CALY: variants seen among roughly 807,000 people sequenced by gnomAD.
CALY encodes calcyon neuron specific vesicular protein.
A neutral mutation model predicts 20.2 loss-of-function variants in CALY; 15 were observed. The ratio of observed to expected loss-of-function variants is 0.74; its 90% CI spans 0.50 to 1.14. The LOEUF (loss-of-function observed/expected upper bound fraction) is 1.14. Among genes scored for constraint, CALY ranks in the 50% most tolerant of loss-of-function variants. The pLI, the probability that CALY is intolerant of heterozygous loss-of-function variation, is 0.00. For missense variants in CALY, 270 were observed against 304.4 expected (o/e 0.89, Z 0.84); for synonymous variants, 129 against 131.8 (o/e 0.98, Z 0.15).
chr10:133,336,213 G>A (rs754059903), intron 1 of CALY, among the ~76,000 whole-genome samples: 1 of 152,128 alleles, frequency 6.6e-6, no homozygotes, highest in Non-Finnish European at 1.5e-5. Context: ...GCAGCCCCTC[G>A]GAGGGGAGTG....
chr10:133,325,903 C>T lies in CALY; in HGVS notation c.578G>A (p.Gly193Glu). 3.1e-6 allele frequency: 4 copies of T among 1,292,272 alleles called. No homozygotes were observed. Among genetic ancestry groups the T allele is most frequent in the Non-Finnish European group, 3.9e-6 (4 of 1,019,312 alleles). The allele number at this position is 1,292,272 out of a possible 1,614,324, so 80.1% of individuals were successfully genotyped here. A position where few individuals can be genotyped will look rare whatever the true frequency, so the allele number is the denominator to read the frequency against. ...CTTCTCCGCCTTGGCCGACGGCTTC[C>T]CGGGGGGTTCGGTGGCCGCCGCCGC... is the stretch of plus-strand genomic sequence containing the variant. Reference protein sequence around the residue: ...GAAAAATEPPGKPSAKAEKEA... With the variant: ...GAAAAATEPPEKPSAKAEKEA... Residue 193 changes from glycine to glutamate, a missense_variant, in exon 5 of 6, where the codon GGG becomes GAG. Physicochemically the swap from Gly to Glu is moderately conservative, Grantham distance 98 (BLOSUM62 -2). Transcript: ENST00000252939.
intron 1 of CALY, among the ~76,000 whole-genome samples, chr10:133,329,392 C>CTTCTTCTTTTTTTTTTTTT (rs549430070): frequency 1.5e-5 from 2 of 137,450 alleles, no homozygotes; most frequent in African/African-American, 2.9e-5. Context: ...TCTTCTTCTT[C>CTTCTTCTTTTTTTTTTTTT]TTTTTTTTTT....
At position 133,327,885 on chromosome 10, in the gene CALY, G is replaced by A. The variant is rs1317104717; in HGVS notation, c.246+20C>T. On this transcript the variant is annotated intron_variant, in intron 3 of 5. Transcript: ENST00000252939. ...CCTCCTGTCCTGAGTCCCCACAGTG[G>A]GTGGGGTGGGTGTGGTTACCCTGCG... is the stretch of plus-strand genomic sequence containing the variant. The A allele has an allele frequency of 1.3e-6, 2 of 1,483,856 alleles. No individual in the cohort carries two copies. The highest frequency in any genetic ancestry group is 2.8e-5 in the African/African-American group (2 of 72,510). The allele number at this position is 1,483,856 out of a possible 1,614,324, so 91.9% of individuals were successfully genotyped here.
chr10:133,327,741 A>G, intron 3 of CALY, 164 bp downstream of exon 3: 1 of 713,170 alleles, frequency 1.4e-6, no homozygotes, highest in Non-Finnish European at 2.6e-6. Flanking sequence ...GGTGCAGGGC[A>G]GCCGGTGGGG....
At chr10:133,333,126 G>A (rs1233783423) in intron 1 of CALY, among the ~76,000 whole-genome samples, 1 of 151,784 alleles carries the variant, frequency 6.6e-6, no homozygotes, top group Non-Finnish European at 1.5e-5. Flanking sequence ...TAGGCACCAC[G>A]GGAACAGGAG....
intron 1 of CALY, among the ~76,000 whole-genome samples, chr10:133,330,649 C>T (rs1411288801): frequency 2.5e-5 from 2 of 79,516 alleles, no homozygotes; most frequent in Non-Finnish European, 5.3e-5. Flanking sequence ...CAGAGAGAGA[C>T]TCCGTCTCAA....
At chr10:133,335,825 G>A (rs1019770172) in intron 1 of CALY, among the ~76,000 whole-genome samples, 5 of 152,196 alleles carry the variant, frequency 3.3e-5, no homozygotes, top group Non-Finnish European at 7.4e-5. Flanking sequence ...GGCAGTGCCC[G>A]GCTCCTGTCT....
chr10:133,327,291 G>A (rs1261062883), intron 3 of CALY: 6 of 503,402 alleles, frequency 1.2e-5, no homozygotes, highest in Admixed American at 3.4e-5. Flanking sequence ...GTTTTCCTGC[G>A]GTGTGGGCTC....
At chr10:133,328,066 G>C in intron 2 of CALY, 51 bp from the exon 3 acceptor site, 1 of 1,206,026 alleles carries the variant, frequency 8.3e-7, no homozygotes, top group Non-Finnish European at 1.2e-6. Context: ...AGGGACCCAA[G>C]AGAGCCCTGA....
rs942180913 is a variant in CALY, at chr10:133,324,234, A to G, written c.*1361T>C. On this transcript the variant is annotated 3_prime_UTR_variant, in exon 6 of 6. Coordinates refer to ENST00000252939, the MANE Select transcript of CALY (RefSeq NM_015722.4). ...TGTTCATCTGGCCAATGCCCTTAGAAGCCCAGCAGTGAAGGGTGTGGTGTG... is the reference window on the plus strand; with the variant it reads ...TGTTCATCTGGCCAATGCCCTTAGAGGCCCAGCAGTGAAGGGTGTGGTGTG... 9.9e-6 allele frequency: 4 copies of G among 402,236 alleles called. No homozygotes were observed. The highest frequency in any genetic ancestry group is 1.5e-4 in the East Asian group (2 of 13,408). 24.9% of individuals were successfully genotyped at this position (402,236 alleles called of 1,614,324 possible). A position where few individuals can be genotyped will look rare whatever the true frequency, so the allele number is the denominator to read the frequency against.
At chr10:133,336,661 C>A (rs1198536695) in intron 1 of CALY, among the ~76,000 whole-genome samples, 173 bp downstream of exon 1, 1 of 152,162 alleles carries the variant, frequency 6.6e-6, no homozygotes, top group Non-Finnish European at 1.5e-5. Flanking sequence ...CACACTCGCA[C>A]CCGCACACGC....
In CALY at chr10:133,330,350, CAAAAAAAA is replaced by C. The variant is rs59986083; in HGVS notation, c.-20-1349_-20-1342del. ...CCTAGGTGACAGAACGAAACTCTGCCAAAAAAAAAAAAAAAAAAAAAAAAAGGCAGGGC... is the reference window on the plus strand; with the variant it reads ...CCTAGGTGACAGAACGAAACTCTGCCAAAAAAAAAAAAAAAAAGGCAGGGC... On this transcript the variant is annotated intron_variant, in intron 1 of 5. Coordinates refer to ENST00000252939, the MANE Select transcript of CALY (RefSeq NM_015722.4). 5.8e-3 allele frequency among the ~76,000 whole-genome samples: 212 copies of C among 36,798 alleles called. 1 individual carries two copies. Among genetic ancestry groups the C allele is most frequent in the African/African-American group, 9.6e-3 (93 of 9,686 alleles). The allele number at this position is 36,798 out of a possible 152,430, so 24.1% of individuals were successfully genotyped here.
intron 4 of CALY, 104 bp downstream of exon 4, chr10:133,326,774 A>C: frequency 1.4e-6 from 1 of 704,234 alleles, no homozygotes; most frequent in Non-Finnish European, 2.6e-6. Flanking sequence ...GGCTTTGGAG[A>C]CCACGTTCCC....
chr10:133,328,817 A>G (rs759696777), intron 2 of CALY, 38 bp downstream of exon 2: 3 of 1,520,094 alleles, frequency 2.0e-6, no homozygotes, highest in African/African-American at 1.4e-5. Context: ...TTCCCAGGGG[A>G]GCCTGAGAAG....
intron 1 of CALY, among the ~76,000 whole-genome samples, chr10:133,329,515 T>C (rs557645083): frequency 1.6e-4 from 25 of 151,890 alleles, no homozygotes; most frequent in African/African-American, 5.1e-4. Context: ...GCCTCCCGAG[T>C]ACCTGGGACC....
Position 133,325,897 on chromosome 10 carries a change from G to T in CALY, c.584C>A (p.Pro195Gln), listed in dbSNP as rs1305708900. Reference protein sequence around the residue: ...AAAATEPPGKPSAKAEKEAAR... With the variant: ...AAAATEPPGKQSAKAEKEAAR... ...CGCCTCCTTCTCCGCCTTGGCCGAC[G>T]GCTTCCCGGGGGGTTCGGTGGCCGC... The change falls in exon 5 of 6, where the codon CCG (proline) becomes CAG (glutamine). Residue 195 changes from proline to glutamine, a missense_variant. Transcript: ENST00000252939. 3 of 1,277,374 alleles carry T rather than the reference G, an allele frequency of 2.3e-6. No individual in the cohort carries two copies. The highest frequency in any genetic ancestry group is 3.1e-5 in the East Asian group (1 of 31,858). The allele number at this position is 1,277,374 out of a possible 1,614,324, so 79.1% of individuals were successfully genotyped here. A position where few individuals can be genotyped will look rare whatever the true frequency, so the allele number is the denominator to read the frequency against.
intron 1 of CALY, among the ~76,000 whole-genome samples, chr10:133,335,261 G>T (rs1049403560): frequency 1.2e-4 from 19 of 152,196 alleles, no homozygotes; most frequent in Non-Finnish European, 2.1e-4. Flanking sequence ...CTCTACAGAC[G>T]GGCGAGGGGG....
chr10:133,328,122 G>C (rs1488471560), intron 2 of CALY, 107 bp from the exon 3 acceptor site: 1 of 718,140 alleles, frequency 1.4e-6, no homozygotes, highest in African/African-American at 1.8e-5. Context: ...CAGTGGTGTT[G>C]ACGCTGACCC....
intron 1 of CALY, among the ~76,000 whole-genome samples, chr10:133,330,885 C>G (rs997252979): frequency 3.9e-5 from 6 of 152,030 alleles, no homozygotes; most frequent in African/African-American, 1.4e-4. Context: ...AGGCCAGCCC[C>G]CGCCACACGT....
Sources: allele counts gnomAD v4.1 joint callset (sites outside exome capture counted in the v4.1 genomes callset), GRCh38; gene constraint gnomAD v4.1.1; transcripts MANE v1.5; gene names NCBI Gene and HGNC (gene_info 2026-07-23, HGNC 2026-07-21).